Variants in PLCB1 observed in about 807,000 individuals in gnomAD.
The protein encoded by PLCB1 is phospholipase C beta 1.
In PLCB1, 46 loss-of-function variants were observed where a neutral mutation model predicts 161.8. The observed-to-expected ratio is 0.28, with a 90% CI of 0.22 to 0.36. The LOEUF (loss-of-function observed/expected upper bound fraction) is 0.36, where lower values mean the gene tolerates loss of function less well. PLCB1 is among the 10% of genes least tolerant of loss of function. The pLI is 1.00. For missense variants in PLCB1, 1,016 were observed against 1,472.5 expected (o/e 0.69, Z 5.07); for synonymous variants, 517 against 503.7 (o/e 1.03, Z -0.35).
At chr20:8,616,586 C>T (rs904152360) in intron 3 of PLCB1, among the ~76,000 whole-genome samples, 3 of 152,164 alleles carry the variant, frequency 2.0e-5, no homozygotes, top group Non-Finnish European at 4.4e-5. Context: ...TTTTTGTTCA[C>T]TGATGTAGCT....
chr20:8,860,725 G>A (rs368198487), intron 31 of PLCB1, among the ~76,000 whole-genome samples: 2 of 152,228 alleles, frequency 1.3e-5, no homozygotes, highest in Non-Finnish European at 2.9e-5. Flanking sequence ...TAATGTCAGT[G>A]CATTCTCATG....
chr20:8,340,502 A>G (rs950965376), intron 2 of PLCB1, among the ~76,000 whole-genome samples: 13 of 151,944 alleles, frequency 8.6e-5, no homozygotes, highest in African/African-American at 2.7e-4. Flanking sequence ...GGCTCACTGC[A>G]AGCTCCGCCT....
chr20:8,828,907 A>G (rs1194246486), intron 31 of PLCB1, among the ~76,000 whole-genome samples: 2 of 152,240 alleles, frequency 1.3e-5, no homozygotes, highest in African/African-American at 4.8e-5. Flanking sequence ...AAAGAGAATC[A>G]TGCTTCTGTT....
At chr20:8,308,635 A>G (rs1244673951) in intron 2 of PLCB1, among the ~76,000 whole-genome samples, 1 of 151,152 alleles carries the variant, frequency 6.6e-6, no homozygotes, top group Non-Finnish European at 1.5e-5. Flanking sequence ...AAAAAAAAAA[A>G]AAAAAAGGAC....
intron 2 of PLCB1, among the ~76,000 whole-genome samples, chr20:8,237,360 A>G (rs1051358629): frequency 2.6e-5 from 4 of 152,074 alleles, no homozygotes; most frequent in Admixed American, 2.0e-4. Context: ...GCAGATTACA[A>G]AGGAAAATGA....
At chr20:8,278,980 A>T (rs560865505) in intron 2 of PLCB1, among the ~76,000 whole-genome samples, 1,498 of 125,276 alleles carry the variant, frequency 0.012, 18 homozygotes, top group Middle Eastern at 0.044. Context: ...GTGTTTTTTA[A>T]AAAAAAAAAC....
intron 3 of PLCB1, among the ~76,000 whole-genome samples, chr20:8,422,860 C>G (rs1267708572): frequency 6.6e-6 from 1 of 152,108 alleles, no homozygotes; most frequent in Non-Finnish European, 1.5e-5. Context: ...GAGCCTAGTT[C>G]CCAGTGACCC....
chr20:8,485,906 G>T (rs1982703601), intron 3 of PLCB1, among the ~76,000 whole-genome samples: 1 of 152,190 alleles, frequency 6.6e-6, no homozygotes, highest in South Asian at 2.1e-4. Flanking sequence ...ATAAACAACT[G>T]CCTGAGACTA....
At chr20:8,523,395 AAT>A (rs567067156) in intron 3 of PLCB1, among the ~76,000 whole-genome samples, 1,578 of 68,766 alleles carry the variant, frequency 0.023, 15 homozygotes, top group Middle Eastern at 0.068. Context: ...GATCATAACA[AAT>A]ATGTGTGTGT....
At chr20:8,409,722 C>T (rs1978958112) in intron 3 of PLCB1, among the ~76,000 whole-genome samples, 1 of 152,040 alleles carries the variant, frequency 6.6e-6, no homozygotes, top group African/African-American at 2.4e-5. Flanking sequence ...CTCAGCCTCC[C>T]AAAGTGCTGA....
Position 8,296,648 on chromosome 20 carries a change from C to T in PLCB1, c.178-74734C>T, listed in dbSNP as rs968231568. On this transcript the variant is annotated intron_variant, in intron 2 of 31. Transcript: ENST00000338037. ...GCCCTTTCTTTCTGAATTATGTCTCCTTGTTTGGCATTCCTTCCTCTGGGT... is the reference window on the plus strand; with the variant it reads ...GCCCTTTCTTTCTGAATTATGTCTCTTTGTTTGGCATTCCTTCCTCTGGGT... 5.9e-5 allele frequency among the ~76,000 whole-genome samples: 9 copies of T among 152,104 alleles called. 1 individual carries two copies. Among genetic ancestry groups the T allele is most frequent in the Non-Finnish European group, 1.3e-4 (9 of 68,020 alleles).
intron 3 of PLCB1, among the ~76,000 whole-genome samples, chr20:8,464,296 T>C (rs1981716052): frequency 6.6e-6 from 1 of 152,202 alleles, no homozygotes; most frequent in Admixed American, 6.5e-5. Context: ...GGATTTGTTG[T>C]GCTTCCTAAA....
intron 3 of PLCB1, among the ~76,000 whole-genome samples, chr20:8,555,623 C>T (rs888545998): frequency 1.3e-5 from 2 of 152,062 alleles, no homozygotes; most frequent in African/African-American, 4.8e-5. Flanking sequence ...TTAAGTGTTA[C>T]ATTCAAATGT....
chr20:8,494,723 T>C (rs1045558690), intron 3 of PLCB1, among the ~76,000 whole-genome samples: 2 of 152,206 alleles, frequency 1.3e-5, no homozygotes, highest in African/African-American at 4.8e-5. Context: ...CATAATTAAG[T>C]CATTTATCTT....
chr20:8,749,882 C>T (rs530137902), intron 23 of PLCB1, among the ~76,000 whole-genome samples: 1 of 152,100 alleles, frequency 6.6e-6, no homozygotes, highest in African/African-American at 2.4e-5. Flanking sequence ...ACTTTCAGGA[C>T]TTTGCCATTA....
intron 14 of PLCB1, 97 bp downstream of exon 14, chr20:8,717,945 C>A (rs1979419342): frequency 9.5e-7 from 1 of 1,048,538 alleles, no homozygotes; most frequent in Non-Finnish European, 1.3e-6. Context: ...AATACTACTA[C>A]TTTTGGAGGC....
intron 3 of PLCB1, among the ~76,000 whole-genome samples, chr20:8,608,572 G>A (rs1161700138): frequency 6.6e-6 from 1 of 152,160 alleles, no homozygotes; most frequent in Non-Finnish European, 1.5e-5. Context: ...ACTCAAATAA[G>A]AAAATAGTTC....
intron 3 of PLCB1, among the ~76,000 whole-genome samples, chr20:8,548,740 G>A (rs961284675): frequency 9.6e-5 from 13 of 136,028 alleles, no homozygotes; most frequent in Non-Finnish European, 1.5e-4. Context: ...GAGAACAGTG[G>A]TTGTATTTGG....
At chr20:8,860,657 C>G (rs570933104) in intron 31 of PLCB1, among the ~76,000 whole-genome samples, 20 of 152,302 alleles carry the variant, frequency 1.3e-4, no homozygotes, top group African/African-American at 4.6e-4. Flanking sequence ...CACAGGGACT[C>G]AGGCTGGCTG....
Sources: allele counts gnomAD v4.1 joint callset (sites outside exome capture counted in the v4.1 genomes callset), GRCh38; gene constraint gnomAD v4.1.1; transcripts MANE v1.5; gene names NCBI Gene and HGNC (gene_info 2026-07-23, HGNC 2026-07-21).